Variants in MYH7B observed in about 807,000 individuals in gnomAD.
The protein encoded by MYH7B is myosin-7B.
In MYH7B, 205 loss-of-function variants were observed where a neutral mutation model predicts 234.5. That is an observed-to-expected ratio of 0.87 (90% CI 0.78 to 0.98). The LOEUF (loss-of-function observed/expected upper bound fraction) is 0.98, where lower values mean the gene tolerates loss of function less well. MYH7B is among the 50% of genes least tolerant of loss of function. The pLI, the probability that MYH7B is intolerant of heterozygous loss-of-function variation, is 0.00. For synonymous variants in MYH7B, 1,193 were observed against 1,105.0 expected (o/e 1.08, Z -1.58); for missense variants, 2,652 against 2,633.4 (o/e 1.01, Z -0.15).
intron 7 of MYH7B, 111 bp from the exon 8 acceptor site, chr20:34,980,467 G>A (rs948852874): frequency 1.1e-6 from 1 of 942,270 alleles, no homozygotes; most frequent in Admixed American, 1.9e-5. Context: ...GGACCCAGGA[G>A]GCGGAGGTTG....
exon 35 of MYH7B, chr20:34,998,766 T>C (rs2082310862): frequency 1.2e-6 from 2 of 1,612,800 alleles, no homozygotes; most frequent in African/African-American, 2.7e-5. Flanking sequence ...GGCACGACTG[T>C]GACCTCCTGC....
At chr20:34,963,158 C>G (rs570515504) in intron 2 of MYH7B, among the ~76,000 whole-genome samples, 17 of 152,278 alleles carry the variant, frequency 1.1e-4, no homozygotes, top group Admixed American at 1.0e-3. Context: ...GGAATAATGA[C>G]AAGGAAAAAA....
Position 35,000,816 on chromosome 20 carries a change from C to T in MYH7B, c.5227C>T (p.Gln1743Ter), listed in dbSNP as rs1297923957. ...GAAGAAGCTGGAGGCGGACTTGGCC[C>T]AGCTGAGCGGGGAGGTGGAGGAGGC... The change falls in exon 40 of 45, where the codon CAG (glutamine) becomes TAG (stop). Residue 1743 changes from glutamine to a stop codon, truncating the protein, a stop_gained. Transcript: ENST00000262873. LOFTEE classifies it high-confidence loss of function. 6.2e-7 allele frequency: 1 copy of T among 1,613,788 alleles called. No homozygotes were observed.
chr20:34,985,111 T>C, exon 13 of MYH7B: 1 of 1,614,052 alleles, frequency 6.2e-7, no homozygotes, highest in Non-Finnish European at 8.5e-7. Flanking sequence ...GAAGCTGGCA[T>C]CCGCGGATAT....
At chr20:34,998,312 G>A in exon 33 of MYH7B, 7 of 1,613,982 alleles carry the variant, frequency 4.3e-6, no homozygotes, top group Non-Finnish European at 5.9e-6. Flanking sequence ...CAGAGAAGCT[G>A]TGCCGGACCT....
At chr20:34,995,120 G>A (rs951031914) in intron 27 of MYH7B, among the ~76,000 whole-genome samples, 2 of 152,232 alleles carry the variant, frequency 1.3e-5, no homozygotes, top group African/African-American at 2.4e-5. Flanking sequence ...ACTCTGGGCC[G>A]CCCCGCACTT....
chr20:34,980,607 C>T (rs2081926800), exon 8 of MYH7B: 2 of 1,614,030 alleles, frequency 1.2e-6, no homozygotes, highest in Non-Finnish European at 1.7e-6. Flanking sequence ...GTGTCACCAT[C>T]AACCCCTACA....
exon 44 of MYH7B, chr20:35,002,059 C>T (rs755680999): frequency 2.6e-5 from 42 of 1,613,870 alleles, no homozygotes; most frequent in South Asian, 9.9e-5. Flanking sequence ...GCTGCGGGCA[C>T]GGACCCGGGA....
chr20:34,988,130 T>C, exon 19 of MYH7B: 3 of 1,614,072 alleles, frequency 1.9e-6, no homozygotes, highest in Non-Finnish European at 2.5e-6. Context: ...ACTTCACCAA[T>C]GAGAAATTGC....
At position 34,979,913 on chromosome 20, in the gene MYH7B, T is replaced by A. The variant is rs977746001; in HGVS notation, c.342+109T>A. The A allele has an allele frequency of 9.4e-6, 11 of 1,172,350 alleles. No homozygotes were observed. The African/African-American group carries it at 1.8e-4, about 19-fold the overall frequency. The allele number at this position is 1,172,350 out of a possible 1,614,324, so 72.6% of individuals were successfully genotyped here. On this transcript the variant is annotated intron_variant, in intron 7 of 44. Transcript: ENST00000262873. ...AGCGGTGGGGCGGGGCTGTGAGCGGTGGATCGGGGCTGTGAATGATAGAGC... is the reference window on the plus strand; with the variant it reads ...AGCGGTGGGGCGGGGCTGTGAGCGGAGGATCGGGGCTGTGAATGATAGAGC...
exon 39 of MYH7B, chr20:35,000,399 A>G (rs1283697930): frequency 6.2e-7 from 1 of 1,600,182 alleles, no homozygotes; most frequent in African/African-American, 1.3e-5. Flanking sequence ...GGGTGACCTC[A>G]ACGACCTGGA....
intron 24 of MYH7B, among the ~76,000 whole-genome samples, chr20:34,991,344 T>C (rs2082146553): frequency 6.6e-6 from 1 of 152,172 alleles, no homozygotes. Context: ...AGGTGGAGCC[T>C]ACAGGCCTCG....
intron 19 of MYH7B, 40 bp downstream of exon 19, chr20:34,988,302 G>A (rs750801959): frequency 1.3e-6 from 2 of 1,590,122 alleles, no homozygotes; most frequent in Admixed American, 1.7e-5. Context: ...AAGGGAGGGT[G>A]TGTGTGGTGA....
At position 35,001,155 on chromosome 20, in the gene MYH7B, C is replaced by T. The variant is rs199538196; in HGVS notation, c.5472C>T (p.Ala1824=). The T allele has an allele frequency of 6.7e-5, 108 of 1,613,596 alleles. 1 individual carries two copies. The Middle Eastern group carries it at 1.5e-3, about 22-fold the overall frequency. Residue 1824 remains alanine, a synonymous_variant, in exon 41 of 45, where the codon GCC becomes GCT. Coordinates refer to ENST00000262873, the Ensembl canonical transcript of MYH7B. The stretch of plus-strand genomic sequence containing the variant: ...AGAAGCAGGTGCAGAAGCTGGAGGC[C>T]AAGGTGTGTGCAGCCCCTCTAGTCC...
At chr20:34,997,727 C>T (rs1415699344) in intron 32 of MYH7B, 87 bp downstream of exon 32, 4 of 1,493,778 alleles carry the variant, frequency 2.7e-6, no homozygotes, top group Non-Finnish European at 3.6e-6. Context: ...CACCAGCCTC[C>T]ACCCAGTACC....
chr20:34,980,406 G>A (rs1285059303), intron 7 of MYH7B, 172 bp from the exon 8 acceptor site: 7 of 619,808 alleles, frequency 1.1e-5, no homozygotes, highest in Admixed American at 7.5e-5. Flanking sequence ...AAAATTAGCC[G>A]GTCGTGGTGG....
At chr20:34,979,897 GCGGGGCTGTGAGCGGTGGAT>G (rs967464855) in intron 7 of MYH7B, 93 bp downstream of exon 7, 33 of 1,415,888 alleles carry the variant, frequency 2.3e-5, no homozygotes, top group African/African-American at 2.3e-4. Flanking sequence ...TAGCGGTGGG[GCGGGGCTGTGAGCGGTGGAT>G]CGGGGCTGTG....
rs1006187746 is a variant in MYH7B at position 34,982,327 on chromosome 20, G to A, written c.528-132G>A. The A allele has an allele frequency of 3.1e-5, 23 of 740,388 alleles. No homozygotes were observed. The South Asian group carries it at 3.4e-4, about 11-fold the overall frequency. The allele number at this position is 740,388 out of a possible 1,614,324, so 45.9% of individuals were successfully genotyped here. On this transcript the variant is annotated intron_variant, in intron 9 of 44. Coordinates refer to ENST00000262873, the Ensembl canonical transcript of MYH7B. ...TGGCTTGCTTTGTACACCTCTGAGG[G>A]TTGATCCATCCTTGGGGGTTTCAAG... is the stretch of plus-strand genomic sequence containing the variant.
At chr20:34,980,933 C>G (rs2081933228) in intron 8 of MYH7B, 100 bp from the exon 9 acceptor site, 1 of 1,560,740 alleles carries the variant, frequency 6.4e-7, no homozygotes. Flanking sequence ...ATTCCTGGCT[C>G]TGGGTGGTGG....
Sources: gnomAD v4.1 joint callset for allele counts (sites outside exome capture counted in the v4.1 genomes callset) on GRCh38, gnomAD v4.1.1 for gene constraint, MANE v1.5 for transcripts, NCBI Gene and HGNC (gene_info 2026-07-23, HGNC 2026-07-21) for gene names.